Variants in RASGEF1B observed in about 807,000 individuals in gnomAD.
RASGEF1B encodes the protein RasGEF domain family member 1B.
A neutral mutation model predicts 65.7 loss-of-function variants in RASGEF1B; 30 were observed. The observed-to-expected ratio is 0.46, with a 90% CI of 0.34 to 0.62. The LOEUF (loss-of-function observed/expected upper bound fraction) is 0.62. RASGEF1B is among the 20% of genes least tolerant of loss of function. The pLI is 0.01. For synonymous variants in RASGEF1B, 175 were observed against 194.8 expected, an observed-to-expected ratio of 0.90 and a Z score of 0.85; for missense variants, 495 against 580.1, an observed-to-expected ratio of 0.85 and a Z score of 1.51.
Position 81,427,801 on chromosome 4 carries a change from T to C in RASGEF1B, c.1398-9A>G, listed in dbSNP as rs779218430. 6.2e-7 allele frequency: 1 copy of C among 1,613,702 alleles called. No individual in the cohort carries two copies. The highest frequency in any genetic ancestry group is 1.1e-5 in the South Asian group (1 of 91,056). On this transcript the variant is annotated splice_polypyrimidine_tract_variant and intron_variant, in intron 13 of 13. Transcript: ENST00000264400. Reference sequence around the variant, plus strand: ...TGCCTAAGAGGCTCGACCTGAGTAATAAAAACAACACAACCTAAGACAGAA... The same window carrying C: ...TGCCTAAGAGGCTCGACCTGAGTAACAAAAACAACACAACCTAAGACAGAA...
At position 81,440,933 on chromosome 4, in the gene RASGEF1B, T is replaced by A. The variant is rs1721812804; in HGVS notation, c.1009-4A>T. On this transcript the variant is annotated splice_region_variant and splice_polypyrimidine_tract_variant and intron_variant, in intron 9 of 13. Coordinates refer to ENST00000264400, the MANE Select transcript of RASGEF1B (RefSeq NM_152545.3). ...TGCTTGAAGGGTCCATCTGATGCTA[T>A]AGATAAAAGAGAGAAGAATATTAAC... 6.4e-7 allele frequency: 1 copy of A among 1,566,736 alleles called. No homozygotes were observed.
intron 10 of RASGEF1B, among the ~76,000 whole-genome samples, chr4:81,437,634 G>T (rs1367990912): frequency 6.6e-6 from 1 of 152,230 alleles, no homozygotes; most frequent in Non-Finnish European, 1.5e-5. Context: ...CTAGATGGCA[G>T]AGGCTATTAC....
intron 13 of RASGEF1B, among the ~76,000 whole-genome samples, chr4:81,429,480 G>C (rs2109961983): frequency 6.6e-6 from 1 of 152,264 alleles, no homozygotes; most frequent in South Asian, 2.1e-4. Context: ...GGTAGAGAAA[G>C]GCAGGTCCCT....
At chr4:81,469,065 C>T (rs755692442) in intron 1 of RASGEF1B, among the ~76,000 whole-genome samples, 4 of 152,026 alleles carry the variant, frequency 2.6e-5, no homozygotes, top group Non-Finnish European at 5.9e-5. Context: ...ACTGGAGAAT[C>T]AAAAAGGACA....
intron 13 of RASGEF1B, among the ~76,000 whole-genome samples, chr4:81,429,430 G>A (rs1181297395): frequency 2.0e-5 from 3 of 152,126 alleles, no homozygotes; most frequent in Admixed American, 1.3e-4. Flanking sequence ...GGAAGAGCAC[G>A]GTCCCTTTAA....
chr4:81,448,944 A>G (rs1722146592), intron 4 of RASGEF1B, among the ~76,000 whole-genome samples: 1 of 151,904 alleles, frequency 6.6e-6, no homozygotes. Context: ...CCTCCCGAGT[A>G]GCTGGGATTA....
intron 13 of RASGEF1B, among the ~76,000 whole-genome samples, chr4:81,430,250 G>A (rs1038402418): frequency 2.7e-4 from 41 of 152,278 alleles, no homozygotes; most frequent in Admixed American, 2.0e-3. Flanking sequence ...GCAGTGAGCC[G>A]AGATCCTCCC....
intron 10 of RASGEF1B, among the ~76,000 whole-genome samples, chr4:81,435,687 G>C (rs1007355119): frequency 6.7e-6 from 1 of 149,306 alleles, no homozygotes; most frequent in African/African-American, 2.5e-5. Context: ...GTGTTAGCCA[G>C]GATGGTCTCG....
intron 1 of RASGEF1B, among the ~76,000 whole-genome samples, chr4:81,460,347 G>A (rs182438497): frequency 8.5e-5 from 13 of 152,242 alleles, no homozygotes; most frequent in South Asian, 2.1e-4. Context: ...TCCTAGGGAC[G>A]GCACCCGGCC....
chr4:81,453,709 G>A (rs2109987120), intron 4 of RASGEF1B: 1 of 152,322 alleles, frequency 6.6e-6, no homozygotes, highest in African/African-American at 2.4e-5. Context: ...AGGTCTCTCT[G>A]AGGAGAGCCA....
intron 4 of RASGEF1B, chr4:81,452,580 T>C (rs1175607600): frequency 6.6e-6 from 1 of 152,230 alleles, no homozygotes; most frequent in African/African-American, 2.4e-5. Flanking sequence ...TGTATGTATA[T>C]GACCTCTTTT....
chr4:81,440,711 A>C, intron 10 of RASGEF1B, 123 bp downstream of exon 10: 1 of 609,586 alleles, frequency 1.6e-6, no homozygotes, highest in Admixed American at 2.6e-5. Context: ...TCATTTCTAG[A>C]GTACACATGT....
intron 4 of RASGEF1B, chr4:81,455,240 C>T (rs1447984564): frequency 6.6e-6 from 1 of 152,176 alleles, no homozygotes; most frequent in Non-Finnish European, 1.5e-5. Context: ...AGTTGGAGAC[C>T]AGCCTGGGCA....
chr4:81,463,757 G>T (rs973125043), intron 1 of RASGEF1B, among the ~76,000 whole-genome samples: 1 of 152,106 alleles, frequency 6.6e-6, no homozygotes, highest in African/African-American at 2.4e-5. Flanking sequence ...CTTCCCTCTT[G>T]TTAACCACAC....
chr4:81,448,871 G>A (rs1240084457), intron 4 of RASGEF1B, among the ~76,000 whole-genome samples: 4 of 152,086 alleles, frequency 2.6e-5, no homozygotes, highest in African/African-American at 4.8e-5. Flanking sequence ...CTGGAGTGCA[G>A]TGACGTGATC....
intron 1 of RASGEF1B, among the ~76,000 whole-genome samples, chr4:81,466,086 A>C (rs931428240): frequency 1.3e-5 from 2 of 152,228 alleles, no homozygotes; most frequent in African/African-American, 4.8e-5. Context: ...TAAGTAGATG[A>C]AGGCCTCCGT....
At chr4:81,450,058 C>A (rs1424812861) in intron 4 of RASGEF1B, among the ~76,000 whole-genome samples, 8 of 152,270 alleles carry the variant, frequency 5.3e-5, no homozygotes, top group Non-Finnish European at 1.0e-4. Flanking sequence ...TTCCATACAG[C>A]ACTAAGGTTA....
At chr4:81,466,758 C>CAAAA (rs748152922) in intron 1 of RASGEF1B, among the ~76,000 whole-genome samples, 12 of 57,616 alleles carry the variant, frequency 2.1e-4, no homozygotes, top group South Asian at 7.0e-4. Context: ...GCCTCCATGT[C>CAAAA]AAAAAAAAAA....
At chr4:81,436,938 G>A (rs951569834) in intron 10 of RASGEF1B, among the ~76,000 whole-genome samples, 2 of 151,884 alleles carry the variant, frequency 1.3e-5, no homozygotes, top group African/African-American at 4.8e-5. Context: ...TTATTATCTC[G>A]GACAGTCTCT....
Sources: gnomAD v4.1 joint callset for allele counts (sites outside exome capture counted in the v4.1 genomes callset) on GRCh38, gnomAD v4.1.1 for gene constraint, MANE v1.5 for transcripts, NCBI Gene and HGNC (gene_info 2026-07-23, HGNC 2026-07-21) for gene names.